The following TXNRD2 variants were observed in gnomAD, a reference collection of about 807,000 sequenced individuals.
TXNRD2 encodes the protein thioredoxin reductase 2.
Under a neutral mutation model 70.8 loss-of-function variants are expected in TXNRD2, and 67 were observed. That is an observed-to-expected ratio of 0.95 (90% CI 0.78 to 1.16). TXNRD2 has a LOEUF of 1.16. Among genes scored for constraint, TXNRD2 ranks in the 50% most tolerant of loss-of-function variants. TXNRD2 has a pLI of 0.00. For missense variants in TXNRD2, 644 were observed against 719.9 expected (o/e 0.89, Z 1.21); for synonymous variants, 301 against 295.8 (o/e 1.02, Z -0.18).
intron 8 of TXNRD2, chr22:19,911,086 C>CAAA (rs55813218): frequency 7.1e-4 from 276 of 388,280 alleles, no homozygotes; most frequent in South Asian, 2.7e-3. Flanking sequence ...AAAAAAAAGC[C>CAAA]AAAAAAAAAA....
chr22:19,918,066 A>G, intron 5 of TXNRD2, 77 bp downstream of exon 5: 1 of 1,254,458 alleles, frequency 8.0e-7, no homozygotes, highest in Non-Finnish European at 1.2e-6. Flanking sequence ...CTGCACAGTA[A>G]GTAAGTGTGT....
chr22:19,882,827 C>A (rs950070239), intron 12 of TXNRD2, among the ~76,000 whole-genome samples: 5 of 152,228 alleles, frequency 3.3e-5, no homozygotes, highest in Non-Finnish European at 7.3e-5. Context: ...CACTTCACAG[C>A]AGCAGCAGCA....
intron 17 of TXNRD2, chr22:19,876,635 G>A (rs951765895): frequency 6.5e-6 from 1 of 154,490 alleles, no homozygotes; most frequent in Non-Finnish European, 1.4e-5. Flanking sequence ...AACTCTGCAG[G>A]AGCCAGGCCT....
chr22:19,894,611 G>C (rs1939410377), intron 11 of TXNRD2: 1 of 178,088 alleles, frequency 5.6e-6, no homozygotes, highest in South Asian at 1.2e-4. Flanking sequence ...CTAGGCAACA[G>C]AGAGAGACCC....
At chr22:19,892,231 G>C (rs908072163) in intron 11 of TXNRD2, among the ~76,000 whole-genome samples, 1 of 152,268 alleles carries the variant, frequency 6.6e-6, no homozygotes, top group Admixed American at 6.5e-5. Context: ...AATAAAGCTT[G>C]GTTAAAGGCT....
At chr22:19,891,219 C>T (rs765639237) in intron 11 of TXNRD2, among the ~76,000 whole-genome samples, 119 of 152,364 alleles carry the variant, frequency 7.8e-4, no homozygotes, top group Admixed American at 1.5e-3. Flanking sequence ...CTCGTCTCAC[C>T]TGCCATATCA....
chr22:19,885,464 G>C (rs1032071375), intron 11 of TXNRD2, among the ~76,000 whole-genome samples: 2 of 142,536 alleles, frequency 1.4e-5, no homozygotes, highest in Non-Finnish European at 3.2e-5. Flanking sequence ...CGGGAGGCCG[G>C]CTCCAGCCTC....
chr22:19,901,057 C>T (rs1010549225), intron 8 of TXNRD2, among the ~76,000 whole-genome samples: 7 of 152,222 alleles, frequency 4.6e-5, no homozygotes, highest in African/African-American at 1.4e-4. Context: ...AGGATGGGGG[C>T]CAGGCTGCTC....
At chr22:19,882,440 C>T (rs1938820864) in intron 12 of TXNRD2, among the ~76,000 whole-genome samples, 1 of 152,170 alleles carries the variant, frequency 6.6e-6, no homozygotes, top group South Asian at 2.1e-4. Flanking sequence ...CTCAAGTAAT[C>T]TGCCTGCCTC....
chr22:19,907,251 T>G (rs1940084310), intron 8 of TXNRD2, among the ~76,000 whole-genome samples: 1 of 61,374 alleles, frequency 1.6e-5, no homozygotes. Flanking sequence ...CAGGAGAGTG[T>G]GGGCGCCGTG....
At chr22:19,912,457 C>T (rs34713791) in intron 7 of TXNRD2, among the ~76,000 whole-genome samples, 16,274 of 152,202 alleles carry the variant, frequency 0.11, 1,085 homozygotes, top group Non-Finnish European at 0.15. Flanking sequence ...AGCAGCTGCC[C>T]GTGAGGTGCA....
At chr22:19,916,633 C>T (rs1300800971) in intron 5 of TXNRD2, among the ~76,000 whole-genome samples, 2 of 148,882 alleles carry the variant, frequency 1.3e-5, no homozygotes, top group African/African-American at 4.9e-5. Flanking sequence ...TGAGCCACCG[C>T]GCCCCACCCT....
chr22:19,898,051 G>T lies in TXNRD2; in HGVS notation c.762C>A (p.Arg254=), dbSNP rs180876642. ...TTIMMRSIPL[R]GFDQQMSSMV... The stretch of plus-strand genomic sequence containing the variant: ...CCTCCAGCACTACCTGGTCGAAGCC[G>T]CGGAGGGGGATGCTGCGCATCATGA... The change falls in exon 10 of 18, where the codon CGC becomes CGA. Residue 254 remains arginine, a synonymous_variant. Transcript: ENST00000400521. 43 of 1,557,680 alleles carry T rather than the reference G, an allele frequency of 2.8e-5. No homozygotes were observed. The highest frequency in any genetic ancestry group is 3.6e-5 in the Non-Finnish European group (42 of 1,151,318).
chr22:19,878,328 C>A, intron 15 of TXNRD2, 38 bp downstream of exon 15: 1 of 1,611,104 alleles, frequency 6.2e-7, no homozygotes, highest in South Asian at 1.1e-5. Context: ...GCCACCCTCC[C>A]TCTCATCCTC....
chr22:19,898,977 G>A (rs1939647507), intron 9 of TXNRD2, 72 bp downstream of exon 9: 17 of 1,583,810 alleles, frequency 1.1e-5, no homozygotes, highest in African/African-American at 1.3e-5. Flanking sequence ...GGAAGGGCGG[G>A]TGGCAGGGAG....
intron 2 of TXNRD2, among the ~76,000 whole-genome samples, chr22:19,926,114 G>C (rs1458268053): frequency 1.3e-5 from 2 of 148,428 alleles, no homozygotes; most frequent in Non-Finnish European, 3.0e-5. Context: ...GGTGAGCCGA[G>C]ATTGTGCCAT....
chr22:19,909,962 ACACACACACCACACACACCATT>A (rs1940329767), intron 8 of TXNRD2, among the ~76,000 whole-genome samples: 2 of 143,190 alleles, frequency 1.4e-5, no homozygotes, highest in African/African-American at 5.3e-5. Context: ...CACACCACTC[ACACACACACCACACACACCATT>A]CACACACACA....
intron 2 of TXNRD2, among the ~76,000 whole-genome samples, 156 bp downstream of exon 2, chr22:19,930,874 A>G (rs1023168013): frequency 1.3e-5 from 2 of 152,222 alleles, no homozygotes; most frequent in African/African-American, 4.8e-5. Context: ...AGACAGCTGG[A>G]GAGTGGCAGG....
At chr22:19,912,684 C>G (rs1352433228) in intron 7 of TXNRD2, among the ~76,000 whole-genome samples, 1 of 152,146 alleles carries the variant, frequency 6.6e-6, no homozygotes, top group Admixed American at 6.5e-5. Flanking sequence ...TGCACAGTGT[C>G]ATCCTACAAA....
Sources: allele counts gnomAD v4.1 joint callset (sites outside exome capture counted in the v4.1 genomes callset), GRCh38; gene constraint gnomAD v4.1.1; transcripts MANE v1.5; gene names NCBI Gene and HGNC (gene_info 2026-07-23, HGNC 2026-07-21).